The following TMEM182 variants were observed in gnomAD, a reference collection of about 807,000 sequenced individuals.
The protein encoded by TMEM182 is transmembrane protein 182.
TMEM182 carries 20 observed loss-of-function variants against 26.8 expected under a neutral mutation model. That is an observed-to-expected ratio of 0.75 (90% confidence interval 0.53 to 1.09). The LOEUF (loss-of-function observed/expected upper bound fraction) is 1.09. TMEM182 is among the 50% of genes least tolerant of loss of function. The pLI is 0.00. For synonymous variants in TMEM182, 109 were observed against 102.2 expected (o/e 1.07, Z -0.40); for missense variants, 277 against 275.5 (o/e 1.01, Z -0.04).
intron 3 of TMEM182, among the ~76,000 whole-genome samples, chr2:102,785,882 A>G (rs1681368206): frequency 1.3e-5 from 2 of 152,204 alleles, no homozygotes; most frequent in South Asian, 4.1e-4. Flanking sequence ...ACAACTAAGT[A>G]AATAAGCCTT....
At chr2:102,736,940 C>G (rs1032503458) in exon 1 of TMEM182, 6 of 1,205,728 alleles carry the variant, frequency 5.0e-6, no homozygotes, top group Admixed American at 6.0e-5. Flanking sequence ...CTGGCAGCTC[C>G]GCGGGTGCGT....
rs1473377732 is a variant in TMEM182 at position 102,784,558 on chromosome 2, C to T, written c.332-13305C>T. On this transcript the variant is annotated intron_variant, in intron 3 of 4. Transcript: ENST00000412401. ...CCCCAAGAGGGGGGTTTTTGGGTCT[C>T]GCGAAGAAAGACTTCAGGGTGAGTC... Among the ~76,000 whole-genome samples, 8 of 151,936 alleles carry T rather than the reference C, an allele frequency of 5.3e-5. No individual in the cohort carries two copies. The East Asian group carries it at 1.4e-3, about 26-fold the overall frequency.
chr2:102,778,155 C>T (rs1681003558), intron 3 of TMEM182, among the ~76,000 whole-genome samples: 1 of 151,858 alleles, frequency 6.6e-6, no homozygotes, highest in Admixed American at 6.6e-5. Flanking sequence ...CTTTTCAGTT[C>T]CATCAGGTTT....
At chr2:102,765,075 C>G (rs1044743100) in intron 3 of TMEM182, among the ~76,000 whole-genome samples, 5 of 151,806 alleles carry the variant, frequency 3.3e-5, no homozygotes. Context: ...ATTTAATGTT[C>G]TCAATAAATT....
chr2:102,806,451 A>G (rs1037905783), intron 4 of TMEM182, among the ~76,000 whole-genome samples: 14 of 152,268 alleles, frequency 9.2e-5, no homozygotes, highest in Admixed American at 7.2e-4. Flanking sequence ...CACCTCGTGG[A>G]GAGTTCCAGA....
chr2:102,789,312 T>G (rs1681535511), intron 3 of TMEM182, among the ~76,000 whole-genome samples: 1 of 152,262 alleles, frequency 6.6e-6, no homozygotes, highest in Admixed American at 6.5e-5. Context: ...CATTTTTGTA[T>G]GTACAACAAA....
chr2:102,754,710 A>G (rs146714991), intron 1 of TMEM182, among the ~76,000 whole-genome samples: 12 of 152,362 alleles, frequency 7.9e-5, no homozygotes, highest in African/African-American at 2.9e-4. Flanking sequence ...AAATCATTTC[A>G]TCAGATATTT....
chr2:102,808,390 T>C (rs564636033), intron 4 of TMEM182, among the ~76,000 whole-genome samples: 1 of 152,150 alleles, frequency 6.6e-6, no homozygotes, highest in Admixed American at 6.5e-5. Flanking sequence ...AGTGTTTTAT[T>C]AAGAACCATG....
chr2:102,766,795 T>C (rs983122093), intron 3 of TMEM182, among the ~76,000 whole-genome samples: 4 of 152,226 alleles, frequency 2.6e-5, no homozygotes, highest in Admixed American at 1.3e-4. Flanking sequence ...TTCTGATGTA[T>C]TGTGGCCTGG....
chr2:102,790,470 GAATTCAGAACAGATT>G (rs1681588790), intron 3 of TMEM182, among the ~76,000 whole-genome samples: 2 of 152,130 alleles, frequency 1.3e-5, no homozygotes, highest in Non-Finnish European at 2.9e-5. Flanking sequence ...TTTTTCCATT[GAATTCAGAACAGATT>G]CCCATTCTGC....
At chr2:102,832,715 A>G (rs1196125062) in intron 3 of TMEM182, among the ~76,000 whole-genome samples, 3 of 152,210 alleles carry the variant, frequency 2.0e-5, no homozygotes, top group Non-Finnish European at 4.4e-5. Flanking sequence ...CTTGGAAAAT[A>G]TATTCTAAAT....
At chr2:102,783,665 C>T (rs1333588886) in intron 3 of TMEM182, among the ~76,000 whole-genome samples, 2 of 152,078 alleles carry the variant, frequency 1.3e-5, no homozygotes, top group Admixed American at 1.3e-4. Flanking sequence ...TCTTTTAGTT[C>T]CAGCAACTCA....
In TMEM182 at chr2:102,816,048, T is replaced by A. The variant is rs981547024; in HGVS notation, c.*1080T>A. 1 of 985,036 alleles carries A rather than the reference T, an allele frequency of 1.0e-6. No individual in the cohort carries two copies. The highest frequency in any genetic ancestry group is 1.1e-4 in the East Asian group (1 of 8,822). The allele number at this position is 985,036 out of a possible 1,614,324, so 61.0% of individuals were successfully genotyped here. A position where few individuals can be genotyped will look rare whatever the true frequency, so the allele number is the denominator to read the frequency against. ...GATATATTAACATTTACAGATCGACTATTTCCTTTAACCTCCTAGAAGAAA... is the reference window on the plus strand; with the variant it reads ...GATATATTAACATTTACAGATCGACAATTTCCTTTAACCTCCTAGAAGAAA... On this transcript the variant is annotated 3_prime_UTR_variant, in exon 5 of 5. Coordinates refer to ENST00000412401, the MANE Select transcript of TMEM182 (RefSeq NM_144632.5).
chr2:102,763,045 A>G (rs994783940), intron 2 of TMEM182, among the ~76,000 whole-genome samples: 1 of 152,176 alleles, frequency 6.6e-6, no homozygotes, highest in Non-Finnish European at 1.5e-5. Context: ...TTTTTTTGCT[A>G]TCAGCCCTTG....
At chr2:102,825,023 T>C (rs767723973) in intron 3 of TMEM182, among the ~76,000 whole-genome samples, 2 of 152,324 alleles carry the variant, frequency 1.3e-5, no homozygotes, top group African/African-American at 2.4e-5. Flanking sequence ...AATACAAATA[T>C]ATTCCAAATT....
At chr2:102,744,629 T>C (rs990047641) in intron 1 of TMEM182, among the ~76,000 whole-genome samples, 10 of 152,152 alleles carry the variant, frequency 6.6e-5, no homozygotes, top group African/African-American at 2.4e-4. Flanking sequence ...TTATGTTATA[T>C]AACTAGGCTT....
chr2:102,765,422 T>A (rs1201402987), intron 3 of TMEM182, among the ~76,000 whole-genome samples: 1 of 152,134 alleles, frequency 6.6e-6, no homozygotes, highest in Non-Finnish European at 1.5e-5. Flanking sequence ...CCGCTCATAG[T>A]ATGGGGTAGG....
At chr2:102,835,041 T>G (rs1683219531) in intron 3 of TMEM182, among the ~76,000 whole-genome samples, 1 of 152,000 alleles carries the variant, frequency 6.6e-6, no homozygotes. Flanking sequence ...AAAGCAATTG[T>G]GGGGGGCGGG....
At chr2:102,792,013 A>T (rs913618167) in intron 3 of TMEM182, among the ~76,000 whole-genome samples, 1 of 146,456 alleles carries the variant, frequency 6.8e-6, no homozygotes, top group African/African-American at 2.6e-5. Flanking sequence ...TATACCTAAA[A>T]ATATATATAT....
Sources: gnomAD v4.1 joint callset for allele counts (sites outside exome capture counted in the v4.1 genomes callset) on GRCh38, gnomAD v4.1.1 for gene constraint, MANE v1.5 for transcripts, NCBI Gene and HGNC (gene_info 2026-07-23, HGNC 2026-07-21) for gene names.